Variants in SUMO2 observed in about 807,000 individuals in gnomAD.
SUMO2 encodes small ubiquitin like modifier 2, also known as small ubiquitin-related modifier 2.
SUMO2 carries 1 observed loss-of-function variant against 16.0 expected under a neutral mutation model. The observed-to-expected ratio is 0.06, with a 90% confidence interval of 0.02 to 0.30. The LOEUF is 0.30. SUMO2 is among the 10% of genes least tolerant of loss of function. SUMO2 has a pLI of 1.00. For synonymous variants in SUMO2, 36 were observed against 40.6 expected (o/e 0.89, Z 0.43); for missense variants, 16 against 117.5 (o/e 0.14, Z 3.99).
intron 3 of SUMO2, among the ~76,000 whole-genome samples, chr17:75,171,153 G>T (rs1163194721): frequency 6.6e-6 from 1 of 151,138 alleles, no homozygotes; most frequent in Admixed American, 6.6e-5. Flanking sequence ...TCTTGCGATG[G>T]AGTTTCGCTG....
At chr17:75,171,033 GA>G (rs1196405816) in intron 3 of SUMO2, among the ~76,000 whole-genome samples, 1 of 150,880 alleles carries the variant, frequency 6.6e-6, no homozygotes, top group Non-Finnish European at 1.5e-5. Context: ...TCGGTGCACT[GA>G]CTATATAAGT....
At chr17:75,175,043 G>C (rs770993236) in intron 2 of SUMO2, among the ~76,000 whole-genome samples, 1 of 151,970 alleles carries the variant, frequency 6.6e-6, no homozygotes, top group Non-Finnish European at 1.5e-5. Flanking sequence ...GTGCAGTGGC[G>C]TGATCTCAGC....
intron 2 of SUMO2, among the ~76,000 whole-genome samples, chr17:75,176,270 C>A (rs2145222513): frequency 6.6e-6 from 1 of 152,142 alleles, no homozygotes; most frequent in East Asian, 1.9e-4. Context: ...AATTTCCTGA[C>A]CTCGTGATCC....
intron 3 of SUMO2, among the ~76,000 whole-genome samples, chr17:75,171,811 TGA>T (rs2074741059): frequency 6.6e-6 from 1 of 152,086 alleles, no homozygotes; most frequent in South Asian, 2.1e-4. Flanking sequence ...TTCTAATAAC[TGA>T]GAGTACAGCA....
In SUMO2 at chr17:75,171,255, A is replaced by C. The variant is rs187219308; in HGVS notation, c.226-2854T>G. 2.7e-3 allele frequency among the ~76,000 whole-genome samples: 409 copies of C among 151,872 alleles called. 10 individuals carry two copies. In the East Asian group the frequency reaches 0.063, roughly 23 times the overall value. ...GCAATTCTCCTGCCTCAGCCTCCCA[A>C]GTAGCTGGGATTACAGGCATGCGCC... On this transcript the variant is annotated intron_variant, in intron 3 of 3. Coordinates refer to ENST00000420826, the MANE Select transcript of SUMO2 (RefSeq NM_006937.4).
At chr17:75,180,008 C>T (rs2074814518) in intron 2 of SUMO2, among the ~76,000 whole-genome samples, 1 of 152,116 alleles carries the variant, frequency 6.6e-6, no homozygotes, top group South Asian at 2.1e-4. Context: ...TCCCAACTTA[C>T]ATAGGTTTAA....
chr17:75,181,464 C>A (rs1465984648), intron 1 of SUMO2, among the ~76,000 whole-genome samples: 2 of 152,112 alleles, frequency 1.3e-5, no homozygotes, highest in African/African-American at 4.8e-5. Context: ...TGTATTGCAA[C>A]GTTCTCTTGA....
Position 75,168,205 on chromosome 17 carries a change from G to A in SUMO2, c.*134C>T. ...ATGTACAATAAAGGAATGGGGAAGG[G>A]GGAAATGAAAGAATAGAGAAAACTA... On this transcript the variant is annotated 3_prime_UTR_variant, in exon 4 of 4. Coordinates refer to ENST00000420826, the MANE Select transcript of SUMO2 (RefSeq NM_006937.4). 2 of 660,570 alleles carry A rather than the reference G, an allele frequency of 3.0e-6. No individual in the cohort carries two copies. Among genetic ancestry groups the A allele is most frequent in the South Asian group, 2.7e-5 (1 of 37,580 alleles). 40.9% of individuals were successfully genotyped at this position (660,570 alleles called of 1,614,324 possible).
Position 75,180,392 on chromosome 17 carries a change from T to TAAAAAAA in SUMO2, c.153+658_153+664dup, listed in dbSNP as rs58684188. Among the ~76,000 whole-genome samples the TAAAAAAA allele has an allele frequency of 6.7e-4, 30 of 44,870 alleles. 5 individuals carry two copies. Among genetic ancestry groups the TAAAAAAA allele is most frequent in the South Asian group, 6.2e-3 (4 of 644 alleles). The allele number at this position is 44,870 out of a possible 152,430, so 29.4% of individuals were successfully genotyped here. On this transcript the variant is annotated intron_variant, in intron 2 of 3. Transcript: ENST00000420826. The stretch of plus-strand genomic sequence containing the variant: ...AAGAAATAGAGTGAGACTCCCAGCT[T>TAAAAAAA]AAAAAAAAAAAAAAAAAAAAAAAAA...
intron 3 of SUMO2, among the ~76,000 whole-genome samples, chr17:75,171,971 G>A (rs2074742433): frequency 6.6e-6 from 1 of 150,512 alleles, no homozygotes; most frequent in African/African-American, 2.4e-5. Flanking sequence ...TTTATCAATA[G>A]AATTTAGCTC....
chr17:75,169,148 A>G (rs1305281538), intron 3 of SUMO2, among the ~76,000 whole-genome samples: 2 of 151,948 alleles, frequency 1.3e-5, no homozygotes, highest in Non-Finnish European at 2.9e-5. Context: ...GGGAGGATCA[A>G]TTGAGCCCAT....
At chr17:75,182,202 CG>C (rs2074834347) in intron 1 of SUMO2, among the ~76,000 whole-genome samples, 1 of 152,190 alleles carries the variant, frequency 6.6e-6, no homozygotes. Context: ...CCTCCCCCTT[CG>C]GGCCCCTGAG....
chr17:75,179,433 C>T (rs764830067), intron 2 of SUMO2, among the ~76,000 whole-genome samples: 2 of 149,556 alleles, frequency 1.3e-5, no homozygotes, highest in Non-Finnish European at 3.0e-5. Flanking sequence ...GAGACTGAGA[C>T]AGGAGAATCG....
In SUMO2 at chr17:75,168,330, G is replaced by T. The variant is rs776683482; in HGVS notation, c.*9C>A. 27 of 1,579,028 alleles carry T rather than the reference G, an allele frequency of 1.7e-5. No homozygotes were observed. ...ACAGAGTTCTGGAGTAAAGAAGCAG[G>T]TTCCCTTTTCAGTAGACACCTCCCG... On this transcript the variant is annotated 3_prime_UTR_variant, in exon 4 of 4. Transcript: ENST00000420826.
chr17:75,173,345 A>T (rs2074756627), intron 3 of SUMO2, among the ~76,000 whole-genome samples: 1 of 152,066 alleles, frequency 6.6e-6, no homozygotes, highest in African/African-American at 2.4e-5. Flanking sequence ...TTTCCTGTAG[A>T]GACCAGGTCT....
At chr17:75,178,523 A>AAG (rs1555655244) in intron 2 of SUMO2, among the ~76,000 whole-genome samples, 12 of 151,492 alleles carry the variant, frequency 7.9e-5, no homozygotes, top group African/African-American at 2.7e-4. Flanking sequence ...AAAAAAAAAA[A>AAG]AAAAGAAAAG....
intron 3 of SUMO2, among the ~76,000 whole-genome samples, chr17:75,171,747 G>A (rs2145217943): frequency 6.6e-6 from 1 of 152,158 alleles, no homozygotes; most frequent in South Asian, 2.1e-4. Context: ...AACTACTATA[G>A]CAGATAATCC....
chr17:75,178,704 G>C (rs187977706), intron 2 of SUMO2, among the ~76,000 whole-genome samples: 1 of 151,830 alleles, frequency 6.6e-6, no homozygotes, highest in East Asian at 1.9e-4. Context: ...AAATAGCCTG[G>C]ACTACAGGTA....
rs2074706954 is a variant in SUMO2 at position 75,168,077 on chromosome 17, T to C, written c.*262A>G. ...GGTATTTTCACAGAATCAGTATTTT[T>C]CCCCATCCCGTCTCCACTTGATGTC... On this transcript the variant is annotated 3_prime_UTR_variant, in exon 4 of 4. Transcript: ENST00000420826. 2 of 319,954 alleles carry C rather than the reference T, an allele frequency of 6.3e-6. No homozygotes were observed. The highest frequency in any genetic ancestry group is 2.5e-4 in the South Asian group (2 of 8,100). The allele number at this position is 319,954 out of a possible 1,614,324, so 19.8% of individuals were successfully genotyped here.
Sources: gnomAD v4.1 joint callset for allele counts (sites outside exome capture counted in the v4.1 genomes callset) on GRCh38, gnomAD v4.1.1 for gene constraint, MANE v1.5 for transcripts, NCBI Gene and HGNC (gene_info 2026-07-23, HGNC 2026-07-21) for gene names.